The following PPP3CA variants were observed in gnomAD, a reference collection of about 807,000 sequenced individuals.
PPP3CA encodes CAM-PRP catalytic subunit.
In PPP3CA, 14 loss-of-function variants were observed where a neutral mutation model predicts 66.5. That is an observed-to-expected ratio of 0.21 (90% confidence interval 0.14 to 0.33). The LOEUF (loss-of-function observed/expected upper bound fraction) is 0.33. Ranked by LOEUF, PPP3CA falls within the 10% of genes least tolerant of loss-of-function variation. PPP3CA has a pLI of 1.00. For synonymous variants in PPP3CA, 232 were observed against 226.2 expected (o/e 1.03, Z -0.23); for missense variants, 317 against 639.5 (o/e 0.50, Z 5.44).
At position 101,142,536 on chromosome 4, in the gene PPP3CA, T is replaced by C. The variant is rs570694294; in HGVS notation, c.260-33458A>G. On this transcript the variant is annotated intron_variant, in intron 2 of 13. Transcript: ENST00000394854. ...TACAATGCACCCTACATGCATAACCTCCTTTAACCCTCACAACCTACTCCA... is the reference window on the plus strand; with the variant it reads ...TACAATGCACCCTACATGCATAACCCCCTTTAACCCTCACAACCTACTCCA... 7.9e-5 allele frequency among the ~76,000 whole-genome samples: 12 copies of C among 152,242 alleles called. No homozygotes were observed. In the East Asian group the frequency reaches 1.7e-3, roughly 22 times the overall value.
intron 1 of PPP3CA, among the ~76,000 whole-genome samples, chr4:101,239,417 A>G (rs1263459330): frequency 2.0e-5 from 3 of 152,094 alleles, no homozygotes; most frequent in Non-Finnish European, 4.4e-5. Flanking sequence ...CAAACAAGAA[A>G]CTGAATTTTG....
chr4:101,267,764 A>G (rs996444825), intron 1 of PPP3CA, among the ~76,000 whole-genome samples: 8 of 152,204 alleles, frequency 5.3e-5, no homozygotes, highest in Non-Finnish European at 8.8e-5. Flanking sequence ...ATGTTCAATA[A>G]ATTGAGTCCA....
intron 1 of PPP3CA, among the ~76,000 whole-genome samples, chr4:101,229,180 C>T (rs1725878507): frequency 6.6e-6 from 1 of 151,452 alleles, no homozygotes; most frequent in Non-Finnish European, 1.5e-5. Flanking sequence ...GAATTCAATA[C>T]AACCTAAGTG....
chr4:101,181,800 A>G (rs1431027069), intron 2 of PPP3CA, among the ~76,000 whole-genome samples: 2 of 152,148 alleles, frequency 1.3e-5, no homozygotes, highest in Non-Finnish European at 1.5e-5. Flanking sequence ...ATAAGAAATT[A>G]TGAGGAGACT....
chr4:101,205,276 A>G (rs1013394481), intron 1 of PPP3CA, among the ~76,000 whole-genome samples: 1 of 152,114 alleles, frequency 6.6e-6, no homozygotes, highest in South Asian at 2.1e-4. Context: ...AATGAGGAGT[A>G]CCCAGGGATT....
At chr4:101,106,445 GAAAGA>G (rs1270756240) in intron 3 of PPP3CA, among the ~76,000 whole-genome samples, 832 of 12,198 alleles carry the variant, frequency 0.068, 217 homozygotes, top group South Asian at 0.41. Flanking sequence ...AAGAAAGAAA[GAAAGA>G]AAGAGAAAAG....
intron 1 of PPP3CA, among the ~76,000 whole-genome samples, chr4:101,198,627 A>G (rs1292554864): frequency 6.6e-6 from 1 of 152,134 alleles, no homozygotes; most frequent in Non-Finnish European, 1.5e-5. Flanking sequence ...TAAACTTAAG[A>G]TAGATCACAG....
chr4:101,272,025 T>C (rs970108009), intron 1 of PPP3CA, among the ~76,000 whole-genome samples: 16 of 152,242 alleles, frequency 1.1e-4, no homozygotes, highest in East Asian at 1.9e-4. Context: ...ATAATGAAAT[T>C]TTCTTTATTA....
chr4:101,324,151 AGGG>A (rs148537655), intron 1 of PPP3CA, among the ~76,000 whole-genome samples: 1,853 of 108,988 alleles, frequency 0.017, 87 homozygotes, highest in African/African-American at 0.11. Context: ...GAAGGAAGGG[AGGG>A]AGGAAGGAAG....
chr4:101,035,417 A>C (rs1177918863), intron 11 of PPP3CA, among the ~76,000 whole-genome samples: 2 of 152,190 alleles, frequency 1.3e-5, no homozygotes, highest in Admixed American at 6.5e-5. Context: ...TATTCTTTTT[A>C]ATCTTCAAAA....
rs544793178 is a variant in PPP3CA at position 101,162,014 on chromosome 4, C to T, written c.259+33902G>A. Among the ~76,000 whole-genome samples the T allele has an allele frequency of 2.0e-3, 308 of 152,214 alleles. 2 individuals carry two copies. The highest frequency in any genetic ancestry group is 7.2e-3 in the African/African-American group (299 of 41,502). On this transcript the variant is annotated intron_variant, in intron 2 of 13. Coordinates refer to ENST00000394854, the MANE Select transcript of PPP3CA (RefSeq NM_000944.5). ...CAGAACTCTGTGAGGCCGAGGCTGG[C>T]GGATCACCTGAGGTCAGGAGTTCGA...
intron 3 of PPP3CA, among the ~76,000 whole-genome samples, chr4:101,105,364 A>C (rs1730617887): frequency 6.6e-6 from 1 of 151,614 alleles, no homozygotes; most frequent in African/African-American, 2.4e-5. Flanking sequence ...ATGGAGTTTC[A>C]CCATGTTGGC....
At chr4:101,260,752 T>A (rs974193368) in intron 1 of PPP3CA, among the ~76,000 whole-genome samples, 5 of 152,132 alleles carry the variant, frequency 3.3e-5, no homozygotes, top group African/African-American at 1.2e-4. Context: ...TCTGACAATC[T>A]CACAATGATT....
At chr4:101,182,487 A>C (rs1339901470) in intron 2 of PPP3CA, among the ~76,000 whole-genome samples, 1 of 152,114 alleles carries the variant, frequency 6.6e-6, no homozygotes, top group Non-Finnish European at 1.5e-5. Context: ...ACAAAACCAC[A>C]ACAACAAAAC....
intron 8 of PPP3CA, among the ~76,000 whole-genome samples, chr4:101,068,655 A>C (rs191994229): frequency 1.3e-5 from 2 of 152,090 alleles, no homozygotes; most frequent in Admixed American, 1.3e-4. Context: ...CAGTCTCTAC[A>C]ATTCCTTCCA....
intron 1 of PPP3CA, among the ~76,000 whole-genome samples, chr4:101,244,306 T>TA (rs1399260507): frequency 1.3e-5 from 2 of 152,304 alleles, no homozygotes; most frequent in South Asian, 2.1e-4. Context: ...AAAAGTAACT[T>TA]AGAGTCCACA....
At chr4:101,330,442 C>T (rs746357589) in intron 1 of PPP3CA, 1 of 533,412 alleles carries the variant, frequency 1.9e-6, no homozygotes, top group African/African-American at 1.9e-5. Context: ...GATAAAGCAA[C>T]AGCCACCCCA....
chr4:101,346,588 T>G, intron 1 of PPP3CA, 151 bp downstream of exon 1: 1 of 628,656 alleles, frequency 1.6e-6, no homozygotes, highest in Non-Finnish European at 2.6e-6. Context: ...GTTCGCGGGG[T>G]TCGCGGGTTG....
At chr4:101,087,768 C>T (rs927959103) in intron 6 of PPP3CA, among the ~76,000 whole-genome samples, 3 of 152,000 alleles carry the variant, frequency 2.0e-5, no homozygotes, top group Admixed American at 2.0e-4. Context: ...TTGCACATGT[C>T]GTTTGATGCA....
Sources: allele counts gnomAD v4.1 joint callset (sites outside exome capture counted in the v4.1 genomes callset), GRCh38; gene constraint gnomAD v4.1.1; transcripts MANE v1.5; gene names NCBI Gene and HGNC (gene_info 2026-07-23, HGNC 2026-07-21).